Variants in EPB41L4B observed in about 807,000 individuals in gnomAD.
EPB41L4B encodes band 4.1-like protein 4B.
EPB41L4B carries 30 observed loss-of-function variants against 112.5 expected under a neutral mutation model. That is an observed-to-expected ratio of 0.27 (90% CI 0.20 to 0.36). The LOEUF (loss-of-function observed/expected upper bound fraction) is 0.36, where lower values mean the gene tolerates loss of function less well. Among genes scored for constraint, EPB41L4B ranks in the 10% least tolerant of loss-of-function variants. The pLI is 1.00. For missense variants in EPB41L4B, 1,024 were observed against 1,133.3 expected, an observed-to-expected ratio of 0.90 and a Z score of 1.38; for synonymous variants, 408 against 439.7, an observed-to-expected ratio of 0.93 and a Z score of 0.90.
At chr9:109,266,788 C>T (rs1181533769) in intron 4 of EPB41L4B, among the ~76,000 whole-genome samples, 4 of 151,784 alleles carry the variant, frequency 2.6e-5, no homozygotes, top group Non-Finnish European at 5.9e-5. Flanking sequence ...GCTAACACAG[C>T]GAAACCCTGT....
chr9:109,210,479 G>A (rs1259344056), intron 17 of EPB41L4B, among the ~76,000 whole-genome samples: 1 of 152,188 alleles, frequency 6.6e-6, no homozygotes, highest in East Asian at 1.9e-4. Context: ...TGGCAGTAAT[G>A]ACCGAAGACC....
rs764535104 is a variant in EPB41L4B, at chr9:109,208,010, G to C, written c.1792C>G (p.Pro598Ala). ...KKVSEKTLQT[P>A]LLPSPVADHV... ...TCCGCAACAGGGGAAGGCAAAAGTG[G>C]AGTCTGAAGAGTTTTCTCCGAGACT... The change falls in exon 18 of 26, where the codon CCA becomes GCA. Residue 598 changes from proline (P) to alanine (A), a missense_variant. Coordinates refer to ENST00000374566, the MANE Select transcript of EPB41L4B (RefSeq NM_019114.5). 1 of 1,614,110 alleles carries C rather than the reference G, an allele frequency of 6.2e-7. No homozygotes were observed.
chr9:109,225,455 A>G (rs1833725258), intron 15 of EPB41L4B, among the ~76,000 whole-genome samples: 1 of 152,244 alleles, frequency 6.6e-6, no homozygotes, highest in Admixed American at 6.5e-5. Context: ...TGAAAGGTAC[A>G]TCTCACATGG....
At chr9:109,213,862 A>G in intron 16 of EPB41L4B, 44 bp from the exon 17 acceptor site, 2 of 1,551,356 alleles carry the variant, frequency 1.3e-6, no homozygotes, top group Non-Finnish European at 1.8e-6. Context: ...GGTTGAAAGG[A>G]CAGATAGATA....
intron 9 of EPB41L4B, 69 bp downstream of exon 9, chr9:109,256,067 C>A: frequency 7.2e-7 from 1 of 1,390,824 alleles, no homozygotes; most frequent in Non-Finnish European, 1.0e-6. Flanking sequence ...CCTCAATAAT[C>A]ATCCATCACA....
chr9:109,265,027 G>A lies in EPB41L4B; in HGVS notation c.534-3C>T. 4 of 1,603,238 alleles carry A rather than the reference G, an allele frequency of 2.5e-6. No individual in the cohort carries two copies. The highest frequency in any genetic ancestry group is 3.4e-6 in the Non-Finnish European group (4 of 1,177,360). ...TGAGTTGTAAAACAAACAGGTACCT[G>A]ACAAACATATACAAAAGTCAACAGA... On this transcript the variant is annotated splice_region_variant and splice_polypyrimidine_tract_variant and intron_variant, in intron 4 of 25. Coordinates refer to ENST00000374566, the MANE Select transcript of EPB41L4B (RefSeq NM_019114.5).
chr9:109,175,512 CAG>C (rs1464314305), intron 25 of EPB41L4B, among the ~76,000 whole-genome samples: 133 of 142,558 alleles, frequency 9.3e-4, no homozygotes, highest in African/African-American at 3.7e-3. Context: ...CACACACACA[CAG>C]AGTAAATACA....
Position 109,320,467 on chromosome 9 carries a change from G to A in EPB41L4B, c.-21C>T. 1 of 982,662 alleles carries A rather than the reference G, an allele frequency of 1.0e-6. No individual in the cohort carries two copies. Among genetic ancestry groups the A allele is most frequent in the Non-Finnish European group, 1.2e-6 (1 of 831,158 alleles). The allele number at this position is 982,662 out of a possible 1,614,324, so 60.9% of individuals were successfully genotyped here. ...AGCATCCTGGCTGGGGGCGCCCCCT[G>A]CCTCCGCCCCCTGCGCTGCCGCTGC... On this transcript the variant is annotated 5_prime_UTR_variant, in exon 1 of 26. Coordinates refer to ENST00000374566, the MANE Select transcript of EPB41L4B (RefSeq NM_019114.5).
chr9:109,192,487 T>G (rs56088817), intron 21 of EPB41L4B, 132 bp from the exon 22 acceptor site: 29,863 of 567,544 alleles, frequency 0.053, 1,030 homozygotes, highest in East Asian at 0.093. Context: ...TCCCCTTGTA[T>G]TTCCCTCACC....
At chr9:109,288,886 A>C (rs1836413841) in intron 1 of EPB41L4B, among the ~76,000 whole-genome samples, 1 of 150,554 alleles carries the variant, frequency 6.6e-6, no homozygotes, top group South Asian at 2.1e-4. Context: ...ATAACACAGC[A>C]AGACCTTGTC....
chr9:109,303,175 C>T (rs536738247), intron 1 of EPB41L4B, among the ~76,000 whole-genome samples: 37 of 150,804 alleles, frequency 2.5e-4, no homozygotes, highest in African/African-American at 8.8e-4. Context: ...CTTTTTTCTC[C>T]ATACTTAGAA....
intron 13 of EPB41L4B, among the ~76,000 whole-genome samples, chr9:109,249,379 C>T (rs1834694096): frequency 6.6e-6 from 1 of 152,046 alleles, no homozygotes; most frequent in Non-Finnish European, 1.5e-5. Flanking sequence ...TCCACGGCTC[C>T]CACAGCAATC....
intron 22 of EPB41L4B, among the ~76,000 whole-genome samples, chr9:109,190,990 C>A (rs2118677192): frequency 6.6e-6 from 1 of 152,280 alleles, no homozygotes; most frequent in South Asian, 2.1e-4. Context: ...CGGAGGCAGG[C>A]CTGGTCCCCT....
At position 109,203,575 on chromosome 9, in the gene EPB41L4B, C is replaced by T. The variant is rs144154331; in HGVS notation, c.1946+88G>A. 1,529 of 1,055,386 alleles carry T rather than the reference C, an allele frequency of 1.4e-3. 17 individuals carry two copies. The African/African-American group carries it at 0.022, about 15-fold the overall frequency. The allele number at this position is 1,055,386 out of a possible 1,614,324, so 65.4% of individuals were successfully genotyped here. A position where few individuals can be genotyped will look rare whatever the true frequency, so the allele number is the denominator to read the frequency against. On this transcript the variant is annotated intron_variant, in intron 19 of 25. Transcript: ENST00000374566. ...TGTTTTATTTGTCCTCTGATTTTAT[C>T]AGCTAATGCCCTCGTGAGCAATGTT...
chr9:109,237,250 C>A (rs1177103742), intron 15 of EPB41L4B, among the ~76,000 whole-genome samples: 1 of 152,104 alleles, frequency 6.6e-6, no homozygotes, highest in Non-Finnish European at 1.5e-5. Context: ...GACCAATAAA[C>A]GAAATAGGCA....
chr9:109,256,229 A>G lies in EPB41L4B; in HGVS notation c.841-5T>C, dbSNP rs775469249. On this transcript the variant is annotated splice_region_variant and splice_polypyrimidine_tract_variant and intron_variant, in intron 8 of 25. Transcript: ENST00000374566. ...ATATTCACAGCCATCTCTTCCCTAC[A>G]AACAAACGAAGTGACAATCGGTAGA... The G allele has an allele frequency of 6.2e-7, 1 of 1,613,770 alleles. No individual in the cohort carries two copies. The highest frequency in any genetic ancestry group is 1.1e-5 in the South Asian group (1 of 91,046).
chr9:109,183,394 C>A (rs941337590), intron 23 of EPB41L4B, among the ~76,000 whole-genome samples: 2 of 152,322 alleles, frequency 1.3e-5, no homozygotes, highest in African/African-American at 2.4e-5. Context: ...CCTGCCCCCA[C>A]GGCCTTTGGG....
intron 5 of EPB41L4B, among the ~76,000 whole-genome samples, chr9:109,263,633 A>C (rs1459796062): frequency 6.6e-6 from 1 of 152,246 alleles, no homozygotes; most frequent in East Asian, 1.9e-4. Context: ...GATCTCATTC[A>C]TACGTAATAT....
chr9:109,216,316 G>A (rs1197066906), intron 16 of EPB41L4B, among the ~76,000 whole-genome samples: 1 of 151,938 alleles, frequency 6.6e-6, no homozygotes, highest in Non-Finnish European at 1.5e-5. Flanking sequence ...CATAAGAGTG[G>A]AACTCTCATG....
Sources: gnomAD v4.1 joint callset for allele counts (sites outside exome capture counted in the v4.1 genomes callset) on GRCh38, gnomAD v4.1.1 for gene constraint, MANE v1.5 for transcripts, NCBI Gene and HGNC (gene_info 2026-07-23, HGNC 2026-07-21) for gene names.